TLK1: variants seen among roughly 807,000 people sequenced by gnomAD.
The protein encoded by TLK1 is serine/threonine-protein kinase tousled-like 1.
Under a neutral mutation model 105.3 loss-of-function variants are expected in TLK1, and 24 were observed. The ratio of observed to expected loss-of-function variants is 0.23; its 90% CI spans 0.17 to 0.32. The LOEUF (loss-of-function observed/expected upper bound fraction) is 0.32. TLK1 is among the 10% of genes least tolerant of loss of function. The pLI, the probability that TLK1 is intolerant of heterozygous loss-of-function variation, is 1.00. For synonymous variants in TLK1, 321 were observed against 310.4 expected, an observed-to-expected ratio of 1.03 and a Z score of -0.36; for missense variants, 558 against 910.5, an observed-to-expected ratio of 0.61 and a Z score of 4.98.
intron 18 of TLK1, among the ~76,000 whole-genome samples, chr2:170,998,885 T>C (rs1167691373): frequency 6.6e-6 from 1 of 152,182 alleles, no homozygotes; most frequent in Non-Finnish European, 1.5e-5. Context: ...CCTCGCACCT[T>C]AGCCTCCCAA....
At chr2:171,008,813 A>G (rs1369910231) in intron 14 of TLK1, among the ~76,000 whole-genome samples, 1 of 136,406 alleles carries the variant, frequency 7.3e-6, no homozygotes, top group Non-Finnish European at 1.6e-5. Context: ...TCTAATCTCT[A>G]TGTAAGCCTC....
chr2:171,223,620 T>C (rs1335261377), intron 1 of TLK1, among the ~76,000 whole-genome samples: 1 of 151,566 alleles, frequency 6.6e-6, no homozygotes, highest in Non-Finnish European at 1.5e-5. Flanking sequence ...GCTGGGATTA[T>C]AGGTGCTCAC....
At chr2:171,230,719 A>C (rs78919169) in intron 1 of TLK1, among the ~76,000 whole-genome samples, 1 of 152,226 alleles carries the variant, frequency 6.6e-6, no homozygotes, top group Non-Finnish European at 1.5e-5. Context: ...TTCATCAGGC[A>C]ACAGACCTAC....
chr2:171,010,495 G>T (rs1244080533), intron 14 of TLK1, among the ~76,000 whole-genome samples: 1 of 151,946 alleles, frequency 6.6e-6, no homozygotes, highest in Non-Finnish European at 1.5e-5. Flanking sequence ...ATTACCTGGG[G>T]GTGACACCAA....
chr2:171,066,072 A>AT (rs1329235801), intron 3 of TLK1, among the ~76,000 whole-genome samples: 1 of 152,190 alleles, frequency 6.6e-6, no homozygotes, highest in African/African-American at 2.4e-5. Flanking sequence ...TTCAAGGATG[A>AT]TTTTGAGCTG....
intron 1 of TLK1, among the ~76,000 whole-genome samples, chr2:171,177,126 C>A (rs184219019): frequency 1.2e-3 from 177 of 146,536 alleles, no homozygotes; most frequent in African/African-American, 4.3e-3. Context: ...AGCCAGTATG[C>A]CTGACTCCTC....
At chr2:171,071,679 G>C (rs1020870221) in intron 3 of TLK1, among the ~76,000 whole-genome samples, 4 of 152,100 alleles carry the variant, frequency 2.6e-5, no homozygotes. Flanking sequence ...AGTTTCCCCA[G>C]TGTTTTCTTA....
At chr2:171,026,622 A>C (rs1372243558) in intron 12 of TLK1, among the ~76,000 whole-genome samples, 1 of 152,172 alleles carries the variant, frequency 6.6e-6, no homozygotes, top group East Asian at 1.9e-4. Context: ...ACTATAACTA[A>C]GTAAATAAGT....
At chr2:171,194,871 G>A (rs944755081) in intron 1 of TLK1, among the ~76,000 whole-genome samples, 2 of 145,506 alleles carry the variant, frequency 1.4e-5, no homozygotes, top group African/African-American at 2.5e-5. Context: ...TTTTCATTAA[G>A]AGAAAAATTC....
At position 171,160,586 on chromosome 2, in the gene TLK1, G is replaced by A. The variant is rs1692447957; in HGVS notation, c.-158C>T. ...AGGGGATGGGGGAGGAAACCGAGAA[G>A]AGGGGAGGTGGGGAGGAAAGAGGTG... is the stretch of plus-strand genomic sequence containing the variant. On this transcript the variant is annotated 5_prime_UTR_variant, in exon 1 of 21. Coordinates refer to ENST00000431350, the MANE Select transcript of TLK1 (RefSeq NM_012290.5). This position sits in a 1 kb window ranked among gnomAD's most constrained non-coding sequence, Gnocchi z 4.4. 2.5e-6 allele frequency: 3 copies of A among 1,205,028 alleles called. No homozygotes were observed. Among genetic ancestry groups the A allele is most frequent in the East Asian group, 2.8e-5 (1 of 35,798 alleles). The allele number at this position is 1,205,028 out of a possible 1,614,324, so 74.6% of individuals were successfully genotyped here. A position where few individuals can be genotyped will look rare whatever the true frequency, so the allele number is the denominator to read the frequency against.
chr2:171,039,640 T>C (rs1052538646), intron 11 of TLK1, among the ~76,000 whole-genome samples: 3 of 152,200 alleles, frequency 2.0e-5, no homozygotes, highest in African/African-American at 7.2e-5. Context: ...TCATCTGTTT[T>C]TGAAACACTC....
In TLK1 at chr2:171,226,217, C is replaced by T. The variant is rs534905281; in HGVS notation, c.-6+4928G>A. Among the ~76,000 whole-genome samples, 21 of 152,266 alleles carry T rather than the reference C, an allele frequency of 1.4e-4. No individual in the cohort carries two copies. In the South Asian group the frequency reaches 4.4e-3, roughly 32 times the overall value. On this transcript the variant is annotated intron_variant, in intron 1 of 20. Transcript: ENST00000521943. ...CCTTTGTTACAACCACATAATCTAA[C>T]CTATTCTGACTGTTATAGCATAAAG... is the stretch of plus-strand genomic sequence containing the variant.
intron 3 of TLK1, among the ~76,000 whole-genome samples, chr2:171,065,820 A>G (rs1437742427): frequency 6.6e-6 from 1 of 152,208 alleles, no homozygotes; most frequent in East Asian, 1.9e-4. Flanking sequence ...TACAGGCGTG[A>G]GCCACTGCGC....
At chr2:171,128,129 G>A (rs1359783462) in intron 1 of TLK1, among the ~76,000 whole-genome samples, 1 of 152,050 alleles carries the variant, frequency 6.6e-6, no homozygotes, top group Non-Finnish European at 1.5e-5. Flanking sequence ...TTACAGCAAA[G>A]AATTCAAATA....
intron 5 of TLK1, among the ~76,000 whole-genome samples, chr2:171,057,885 T>C (rs556271531): frequency 6.6e-6 from 1 of 152,214 alleles, no homozygotes; most frequent in Non-Finnish European, 1.5e-5. Context: ...AGTTTCATCA[T>C]CTGTAAACTG....
At chr2:171,182,024 G>C (rs1019711) in intron 1 of TLK1, among the ~76,000 whole-genome samples, 6,853 of 152,194 alleles carry the variant, frequency 0.045, 448 homozygotes, top group East Asian at 0.29. Flanking sequence ...GATCCAACCA[G>C]TGGCTTTTCA....
intron 14 of TLK1, among the ~76,000 whole-genome samples, chr2:171,010,903 G>A (rs576489488): frequency 6.6e-6 from 1 of 152,300 alleles, no homozygotes; most frequent in East Asian, 1.9e-4. Flanking sequence ...GGACTGTGCA[G>A]GTGGCAAGGA....
intron 2 of TLK1, among the ~76,000 whole-genome samples, chr2:171,102,769 T>C (rs1431255720): frequency 6.6e-6 from 1 of 152,222 alleles, no homozygotes; most frequent in Non-Finnish European, 1.5e-5. Flanking sequence ...TATTCATTCA[T>C]GCATTCAAAA....
intron 11 of TLK1, among the ~76,000 whole-genome samples, chr2:171,035,845 G>A (rs1686303864): frequency 6.6e-6 from 1 of 152,078 alleles, no homozygotes; most frequent in South Asian, 2.1e-4. Context: ...CAAAAAATGT[G>A]GGCAGCTTCT....
Sources: allele counts gnomAD v4.1 joint callset (sites outside exome capture counted in the v4.1 genomes callset), GRCh38; gene constraint gnomAD v4.1.1; non-coding constraint Gnocchi (gnomAD v3.1); transcripts MANE v1.5; gene names NCBI Gene and HGNC (gene_info 2026-07-23, HGNC 2026-07-21).